GNAO1: variants seen among roughly 807,000 people sequenced by gnomAD.
GNAO1 encodes the protein guanine nucleotide-binding protein G(o) subunit alpha.
For missense variants in GNAO1, 166 were observed against 478.7 expected (o/e 0.35, Z 6.10); for synonymous variants, 164 against 180.7 (o/e 0.91, Z 0.74).
chr16:56,300,008 C>CGT (rs71381116), intron 3 of GNAO1, among the ~76,000 whole-genome samples: 13,800 of 129,570 alleles, frequency 0.11, 746 homozygotes, highest in Non-Finnish European at 0.12. Flanking sequence ...GATTGGGGTT[C>CGT]GTGTGTGTGT....
At chr16:56,321,037 G>A (rs1253687708) in intron 3 of GNAO1, among the ~76,000 whole-genome samples, 1 of 152,194 alleles carries the variant, frequency 6.6e-6, no homozygotes, top group East Asian at 1.9e-4. Flanking sequence ...AACACCACAC[G>A]GCATGTGGGC....
At chr16:56,345,869 G>T in intron 6 of GNAO1, 2 of 985,528 alleles carry the variant, frequency 2.0e-6, no homozygotes, top group Non-Finnish European at 2.4e-6. Flanking sequence ...AAAGGGGGAT[G>T]CTGGCCACGC....
At chr16:56,221,588 T>A (rs2036488396) in intron 2 of GNAO1, among the ~76,000 whole-genome samples, 1 of 146,722 alleles carries the variant, frequency 6.8e-6, no homozygotes, top group African/African-American at 2.6e-5. Context: ...AGGCAGAGGT[T>A]GCAGTGAGCC....
At chr16:56,203,336 A>G (rs1217482674) in intron 2 of GNAO1, among the ~76,000 whole-genome samples, 1 of 152,092 alleles carries the variant, frequency 6.6e-6, no homozygotes, top group Non-Finnish European at 1.5e-5. Context: ...AGGGATGGGC[A>G]TGTGACTCAA....
At chr16:56,199,324 GT>G in intron 2 of GNAO1, among the ~76,000 whole-genome samples, 1 of 152,318 alleles carries the variant, frequency 6.6e-6, no homozygotes, top group East Asian at 1.9e-4. Context: ...TGCAGACATG[GT>G]TCTTAAACCA....
intron 2 of GNAO1, among the ~76,000 whole-genome samples, chr16:56,215,518 A>G (rs902742711): frequency 1.3e-5 from 2 of 152,180 alleles, no homozygotes; most frequent in Admixed American, 6.5e-5. Flanking sequence ...TTTGAGGATG[A>G]TATGAAACAG....
intron 2 of GNAO1, among the ~76,000 whole-genome samples, chr16:56,234,491 G>T (rs1400910877): frequency 6.6e-6 from 1 of 152,258 alleles, no homozygotes; most frequent in African/African-American, 2.4e-5. Context: ...GATTCAGCCA[G>T]GCCTGCAGTT....
chr16:56,305,403 T>C (rs2037383876), intron 3 of GNAO1, among the ~76,000 whole-genome samples: 1 of 152,116 alleles, frequency 6.6e-6, no homozygotes, highest in Admixed American at 6.5e-5. Flanking sequence ...TTGCTTTAGA[T>C]TGGGAGATGG....
At chr16:56,259,532 G>A (rs142793261) in intron 2 of GNAO1, among the ~76,000 whole-genome samples, 1 of 152,338 alleles carries the variant, frequency 6.6e-6, no homozygotes, top group Non-Finnish European at 1.5e-5. Context: ...ATTGCTGGCC[G>A]TGGTGATAAT....
At chr16:56,262,877 T>C (rs1275627091) in intron 2 of GNAO1, among the ~76,000 whole-genome samples, 1 of 152,252 alleles carries the variant, frequency 6.6e-6, no homozygotes, top group Admixed American at 6.5e-5. Flanking sequence ...TAAGGCATTG[T>C]GAGGAGGACT....
At chr16:56,298,763 A>G (rs2037312369) in intron 3 of GNAO1, among the ~76,000 whole-genome samples, 1 of 151,980 alleles carries the variant, frequency 6.6e-6, no homozygotes, top group South Asian at 2.1e-4. Context: ...AATACAAAAA[A>G]AATTAACTGG....
At chr16:56,291,257 C>T (rs1167869785) in intron 3 of GNAO1, among the ~76,000 whole-genome samples, 1 of 152,208 alleles carries the variant, frequency 6.6e-6, no homozygotes, top group African/African-American at 2.4e-5. Flanking sequence ...GTTCCAGTGT[C>T]TCCCCGTTCT....
chr16:56,206,324 TAAA>T (rs562270212), intron 2 of GNAO1, among the ~76,000 whole-genome samples: 2 of 113,222 alleles, frequency 1.8e-5, no homozygotes. Flanking sequence ...CATCTCAATT[TAAA>T]AAAAAAAAAA....
At chr16:56,345,763 A>G (rs2037860741) in intron 6 of GNAO1, 2 of 985,588 alleles carry the variant, frequency 2.0e-6, no homozygotes, top group Non-Finnish European at 2.4e-6. Context: ...CACAGAAGAC[A>G]TGGCAGTTAT....
At chr16:56,339,556 G>C (rs1381695308) in intron 6 of GNAO1, among the ~76,000 whole-genome samples, 1 of 152,202 alleles carries the variant, frequency 6.6e-6, no homozygotes, top group Admixed American at 6.5e-5. Flanking sequence ...CCTGGGGTGA[G>C]AGCCTGCAAC....
intron 2 of GNAO1, among the ~76,000 whole-genome samples, chr16:56,244,154 A>AATCT (rs1274361076): frequency 2.6e-5 from 4 of 152,308 alleles, no homozygotes; most frequent in East Asian, 3.9e-4. Flanking sequence ...GGGGAGCTGT[A>AATCT]ATCTACTTGA....
Position 56,351,739 on chromosome 16 carries a change from A to G in GNAO1, c.877+202A>G. ...GGACACAGCCCTCAGCGTGGTGGAA[A>G]TGGCCCCTCCTAAGATATATGTGTT... On this transcript the variant is annotated intron_variant, in intron 7 of 8. Transcript: ENST00000262493. This position sits in a 1 kb window ranked among gnomAD's most constrained non-coding sequence, Gnocchi z 6.1. The G allele has an allele frequency of 3.5e-6, 2 of 570,320 alleles. No homozygotes were observed. The highest frequency in any genetic ancestry group is 6.3e-6 in the Non-Finnish European group (2 of 318,832). 35.3% of individuals were successfully genotyped at this position (570,320 alleles called of 1,614,324 possible).
intron 3 of GNAO1, chr16:56,301,796 T>A (rs1372191000): frequency 1.5e-4 from 23 of 152,154 alleles, no homozygotes; most frequent in African/African-American, 4.8e-4. Flanking sequence ...CATGTTGAAT[T>A]GTTACTATTG....
At chr16:56,342,894 C>T (rs942380253) in intron 6 of GNAO1, among the ~76,000 whole-genome samples, 3 of 152,044 alleles carry the variant, frequency 2.0e-5, no homozygotes, top group Non-Finnish European at 1.5e-5. Flanking sequence ...GGGTGGGTCG[C>T]CTGAGGTCAG....
Sources: allele counts gnomAD v4.1 joint callset (sites outside exome capture counted in the v4.1 genomes callset), GRCh38; gene constraint gnomAD v4.1.1; non-coding constraint Gnocchi (gnomAD v3.1); transcripts MANE v1.5; gene names NCBI Gene and HGNC (gene_info 2026-07-23, HGNC 2026-07-21).